Variants in NCAM1 observed in about 807,000 individuals in gnomAD.
NCAM1 encodes the protein neural cell adhesion molecule 1.
NCAM1 carries 14 observed loss-of-function variants against 109.8 expected under a neutral mutation model. The ratio of observed to expected loss-of-function variants is 0.13; its 90% CI spans 0.08 to 0.20. The LOEUF (loss-of-function observed/expected upper bound fraction) is 0.20, where lower values mean the gene tolerates loss of function less well. Among genes scored for constraint, NCAM1 ranks in the 10% least tolerant of loss-of-function variants. The probability of loss-of-function intolerance (pLI) is 1.00; values close to 1 mark genes in which losing one functional copy is unlikely to be tolerated. For synonymous variants in NCAM1, 418 were observed against 442.9 expected (o/e 0.94, Z 0.70); for missense variants, 774 against 1,109.9 (o/e 0.70, Z 4.30).
chr11:113,188,846 T>C (rs563295427), intron 1 of NCAM1, among the ~76,000 whole-genome samples: 4 of 152,058 alleles, frequency 2.6e-5, no homozygotes, highest in Non-Finnish European at 5.9e-5. Context: ...TGTGTGTGTG[T>C]GTGTCTCCCT....
chr11:113,041,072 A>G (rs1475129152), intron 1 of NCAM1: 1 of 152,240 alleles, frequency 6.6e-6, no homozygotes, highest in Admixed American at 6.5e-5. Context: ...TTTCAGCTAC[A>G]AGGAAATGTC....
intron 15 of NCAM1, among the ~76,000 whole-genome samples, chr11:113,255,041 A>G (rs1461401221): frequency 1.3e-5 from 2 of 152,204 alleles, no homozygotes; most frequent in Non-Finnish European, 2.9e-5. Flanking sequence ...TCACAGTGCT[A>G]CAAGCTGAGT....
chr11:113,121,694 G>T (rs192188065), intron 1 of NCAM1, among the ~76,000 whole-genome samples: 1 of 152,174 alleles, frequency 6.6e-6, no homozygotes, highest in East Asian at 1.9e-4. Flanking sequence ...ATCTTGGTCA[G>T]ACTTCATGAG....
At chr11:113,009,085 G>T (rs1390470767) in intron 1 of NCAM1, among the ~76,000 whole-genome samples, 2 of 152,126 alleles carry the variant, frequency 1.3e-5, no homozygotes, top group African/African-American at 2.4e-5. Flanking sequence ...CTGAGAAACT[G>T]AGCCTTGAAC....
chr11:113,251,704 C>T (rs540710148), intron 15 of NCAM1, among the ~76,000 whole-genome samples: 20 of 152,246 alleles, frequency 1.3e-4, no homozygotes, highest in South Asian at 2.1e-4. Flanking sequence ...AGCAACCTGC[C>T]GATTGCTGCT....
chr11:113,247,723 G>T (rs1945543778), intron 15 of NCAM1, among the ~76,000 whole-genome samples: 1 of 152,204 alleles, frequency 6.6e-6, no homozygotes, highest in Non-Finnish European at 1.5e-5. Context: ...AAGGACATCT[G>T]ATGCAGTCCA....
Position 113,235,151 on chromosome 11 carries a change from G to A in NCAM1, c.1812G>A (p.Lys604=). The change falls in exon 14 of 20, where the codon AAG becomes AAA. Residue 604 remains lysine, a synonymous_variant. Transcript: ENST00000316851. The part of the protein sequence containing the change: ...LGEISAASEF[K]TQPVQGEPSA... ...AGATCAGCGCGGCCTCCGAGTTCAAGACGCAGCCAGTCCGTAAGTAAAGCC... is the reference window on the plus strand; with the variant it reads ...AGATCAGCGCGGCCTCCGAGTTCAAAACGCAGCCAGTCCGTAAGTAAAGCC... 6 of 1,613,896 alleles carry A rather than the reference G, an allele frequency of 3.7e-6. No homozygotes were observed. The highest frequency in any genetic ancestry group is 5.1e-6 in the Non-Finnish European group (6 of 1,179,834).
chr11:113,176,724 T>C (rs1264324265), intron 1 of NCAM1, among the ~76,000 whole-genome samples: 3 of 152,218 alleles, frequency 2.0e-5, no homozygotes, highest in African/African-American at 4.8e-5. Flanking sequence ...TGTTTTTTTC[T>C]GTGTGTTTAA....
intron 15 of NCAM1, among the ~76,000 whole-genome samples, chr11:113,248,132 G>T (rs1945555203): frequency 1.3e-5 from 2 of 151,562 alleles, no homozygotes; most frequent in African/African-American, 2.4e-5. Context: ...GACATTTTAA[G>T]CCAGGGCAAG....
chr11:113,178,714 C>G (rs1943243679), intron 1 of NCAM1, among the ~76,000 whole-genome samples: 1 of 152,182 alleles, frequency 6.6e-6, no homozygotes, highest in South Asian at 2.1e-4. Context: ...GAGTAAATGG[C>G]ACATAAGCTC....
In NCAM1 at chr11:113,065,780, C is replaced by T. The variant is rs138906324; in HGVS notation, c.52+104116C>T. On this transcript the variant is annotated intron_variant, in intron 1 of 19. Coordinates refer to ENST00000316851, the MANE Select transcript of NCAM1 (RefSeq NM_181351.5). ...TATAATATGATACCCTGGATAGGGT[C>T]CTGGAACAGAAGAAGGGTGGTAGTG... Among the ~76,000 whole-genome samples, 53 of 152,228 alleles carry T rather than the reference C, an allele frequency of 3.5e-4. No homozygotes were observed. In the East Asian group the frequency reaches 0.01, roughly 29 times the overall value.
At chr11:113,025,719 CA>C (rs57264295) in intron 1 of NCAM1, among the ~76,000 whole-genome samples, 36,375 of 99,620 alleles carry the variant, frequency 0.37, 6,028 homozygotes, top group South Asian at 0.61. Flanking sequence ...CCACATCTCA[CA>C]AAAAAAAAAA....
chr11:113,263,250 AT>A, intron 17 of NCAM1: 2 of 1,047,924 alleles, frequency 1.9e-6, no homozygotes, highest in Non-Finnish European at 2.3e-6. Context: ...TACTTGTTGC[AT>A]TTTGGGTTCA....
intron 1 of NCAM1, among the ~76,000 whole-genome samples, chr11:113,047,033 T>C (rs1953295093): frequency 6.6e-6 from 1 of 152,238 alleles, no homozygotes; most frequent in African/African-American, 2.4e-5. Context: ...TAGGCTTTCA[T>C]GTAAACAACA....
At chr11:113,141,411 C>G (rs1555100377) in intron 1 of NCAM1, among the ~76,000 whole-genome samples, 1 of 152,152 alleles carries the variant, frequency 6.6e-6, no homozygotes, top group Non-Finnish European at 1.5e-5. Flanking sequence ...GTGGGCAGAT[C>G]ATGAGGTCAG....
chr11:112,964,155 G>GTTTTTTTTTTTTTGGTT (rs59178181), intron 1 of NCAM1, among the ~76,000 whole-genome samples: 2 of 107,468 alleles, frequency 1.9e-5, no homozygotes, highest in Admixed American at 1.1e-4. Context: ...TTTTTTTTTT[G>GTTTTTTTTTTTTTGGTT]TTTTTTTTTT....
At chr11:113,167,627 T>C (rs180877326) in intron 1 of NCAM1, among the ~76,000 whole-genome samples, 7 of 151,708 alleles carry the variant, frequency 4.6e-5, no homozygotes, top group Non-Finnish European at 1.0e-4. Context: ...GTGGGCCTGT[T>C]GGGGTTGAGT....
intron 1 of NCAM1, among the ~76,000 whole-genome samples, chr11:113,163,982 A>G (rs563277799): frequency 2.3e-4 from 35 of 152,274 alleles, no homozygotes; most frequent in Non-Finnish European, 4.9e-4. Flanking sequence ...ATGTTCCCAG[A>G]TGGCCACTGA....
intron 1 of NCAM1, among the ~76,000 whole-genome samples, chr11:113,178,874 C>G (rs1277908113): frequency 1.3e-5 from 2 of 152,184 alleles, no homozygotes; most frequent in African/African-American, 4.8e-5. Flanking sequence ...TCATTTGCAT[C>G]AGCTCACTCA....
Sources: gnomAD v4.1 joint callset for allele counts (sites outside exome capture counted in the v4.1 genomes callset) on GRCh38, gnomAD v4.1.1 for gene constraint, MANE v1.5 for transcripts, NCBI Gene and HGNC (gene_info 2026-07-23, HGNC 2026-07-21) for gene names.